Variants in LNX1 observed in about 807,000 individuals in gnomAD.
The protein encoded by LNX1 is E3 ubiquitin-protein ligase LNX.
A neutral mutation model predicts 68.4 loss-of-function variants in LNX1; 54 were observed. The observed-to-expected ratio is 0.79, with a 90% CI of 0.63 to 0.99. LNX1 has a LOEUF of 0.99. LNX1 is among the 50% of genes least tolerant of loss of function. The pLI, the probability that LNX1 is intolerant of heterozygous loss-of-function variation, is 0.00. For missense variants in LNX1, 906 were observed against 926.4 expected (o/e 0.98, Z 0.29); for synonymous variants, 336 against 350.0 (o/e 0.96, Z 0.45).
intron 1 of LNX1, among the ~76,000 whole-genome samples, chr4:53,637,540 G>A (rs1228008313): frequency 1.3e-5 from 2 of 152,076 alleles, no homozygotes; most frequent in Admixed American, 6.6e-5. Flanking sequence ...TCACAACTCT[G>A]TGAAGTTGTA....
Position 53,537,111 on chromosome 4 carries a change from G to A in LNX1, c.381-28884C>T, listed in dbSNP as rs187562673. ...TGCATTTTAGAGTGGTAGTGGGGAC[G>A]GTATGAGTACTGATTTTCCTGTCAA... On this transcript the variant is annotated intron_variant, in intron 2 of 10. Transcript: ENST00000263925. Among the ~76,000 whole-genome samples the A allele has an allele frequency of 2.7e-3, 413 of 152,240 alleles. 2 individuals carry two copies. The highest frequency in any genetic ancestry group is 9.5e-3 in the African/African-American group (394 of 41,530).
At chr4:53,631,739 A>G (rs1734281610) in intron 1 of LNX1, among the ~76,000 whole-genome samples, 1 of 152,180 alleles carries the variant, frequency 6.6e-6, no homozygotes, top group Non-Finnish European at 1.5e-5. Flanking sequence ...ATGTAGGCCC[A>G]AAGTGACTGA....
At chr4:53,504,455 T>G (rs540482371) in intron 4 of LNX1, among the ~76,000 whole-genome samples, 1 of 152,368 alleles carries the variant, frequency 6.6e-6, no homozygotes, top group African/African-American at 2.4e-5. Flanking sequence ...AAGGGAATGT[T>G]GTGGCTGTTT....
At chr4:53,601,376 T>G (rs1356156367) in intron 2 of LNX1, among the ~76,000 whole-genome samples, 4 of 152,170 alleles carry the variant, frequency 2.6e-5, no homozygotes, top group Non-Finnish European at 5.9e-5. Flanking sequence ...TCGCTGAGTC[T>G]GCCCAGGGGG....
intron 2 of LNX1, among the ~76,000 whole-genome samples, chr4:53,542,761 G>C (rs1367443018): frequency 6.6e-6 from 1 of 152,224 alleles, no homozygotes; most frequent in East Asian, 1.9e-4. Context: ...TCAAGGTGGA[G>C]AAGGCCATTG....
chr4:53,641,855 A>C (rs1734692635), intron 1 of LNX1, among the ~76,000 whole-genome samples: 3 of 152,232 alleles, frequency 2.0e-5, no homozygotes, highest in African/African-American at 7.2e-5. Context: ...AGGTATCAAC[A>C]GTTCATTCCT....
chr4:53,568,110 G>A (rs1022287139), intron 2 of LNX1, among the ~76,000 whole-genome samples: 12 of 152,114 alleles, frequency 7.9e-5, no homozygotes, highest in Admixed American at 1.3e-4. Context: ...TATTCCAATT[G>A]ATAGAAAAAG....
At chr4:53,632,895 C>T (rs1417385916) in intron 1 of LNX1, among the ~76,000 whole-genome samples, 1 of 152,124 alleles carries the variant, frequency 6.6e-6, no homozygotes, top group Non-Finnish European at 1.5e-5. Context: ...TTCTTTCTTA[C>T]TCCCCTCCTC....
rs930092690 is a variant in LNX1, at chr4:53,496,526, A to T, written c.979-132T>A. 5.3e-6 allele frequency: 6 copies of T among 1,137,960 alleles called. No homozygotes were observed. In the Admixed American group the frequency reaches 1.1e-4, roughly 22 times the overall value. 70.5% of individuals were successfully genotyped at this position (1,137,960 alleles called of 1,614,324 possible). A position where few individuals can be genotyped will look rare whatever the true frequency, so the allele number is the denominator to read the frequency against. ...GCTCTCCCACCTCATCCTGTGTCCA[A>T]TAACCGCACCTTCCAACAGCGTTTC... On this transcript the variant is annotated intron_variant, in intron 5 of 10. Coordinates refer to ENST00000263925, the MANE Select transcript of LNX1 (RefSeq NM_001126328.3).
chr4:53,516,817 G>A (rs1364410235), intron 2 of LNX1, among the ~76,000 whole-genome samples: 4 of 152,156 alleles, frequency 2.6e-5, no homozygotes, highest in Non-Finnish European at 4.4e-5. Flanking sequence ...GCCCGTGGGG[G>A]TAAGAGACAA....
chr4:53,534,492 A>T (rs1728232577), intron 2 of LNX1, among the ~76,000 whole-genome samples: 1 of 152,064 alleles, frequency 6.6e-6, no homozygotes, highest in Non-Finnish European at 1.5e-5. Context: ...AATAAGAAAA[A>T]ATTAGCCAAG....
Position 53,496,280 on chromosome 4 carries a change from TC to T in LNX1, c.1092del (p.Asn365ThrfsTer18). 6.2e-7 allele frequency: 1 copy of T among 1,614,182 alleles called. No individual in the cohort carries two copies. Among genetic ancestry groups the T allele is most frequent in the Non-Finnish European group, 8.5e-7 (1 of 1,180,038 alleles). On this transcript the variant is annotated frameshift_variant, in exon 6 of 11. Transcript: ENST00000263925. LOFTEE classifies it high-confidence loss of function. ...TVMREQKFRS[R>X]NNGQAPDAYR... ...TAGGCATCCGGGGCCTGTCCATTGT[TC>T]CTGCTGCGGAACTTCTGTTCACGCA...
At chr4:53,592,770 T>C (rs150270211), upstream of LNX1, among the ~76,000 whole-genome samples, 2,126 of 151,746 alleles carry the variant, frequency 0.014, 38 homozygotes, top group African/African-American at 0.048. Flanking sequence ...GAAGGAAAAA[T>C]GGGAGAGGGA....
intron 10 of LNX1, among the ~76,000 whole-genome samples, 174 bp downstream of exon 10, chr4:53,461,261 T>G (rs1368805715): frequency 6.6e-6 from 1 of 152,146 alleles, no homozygotes; most frequent in African/African-American, 2.4e-5. Flanking sequence ...AGTTGTAGTA[T>G]GGGACCAAGA....
chr4:53,469,707 A>G (rs1723007339), intron 9 of LNX1, among the ~76,000 whole-genome samples: 1 of 152,230 alleles, frequency 6.6e-6, no homozygotes, highest in Admixed American at 6.5e-5. Flanking sequence ...AGAATACTAT[A>G]AACACCTCTA....
At chr4:53,544,175 G>A (rs1348125485) in intron 2 of LNX1, among the ~76,000 whole-genome samples, 1 of 152,142 alleles carries the variant, frequency 6.6e-6, no homozygotes, top group Non-Finnish European at 1.5e-5. Flanking sequence ...GTAAGCACCT[G>A]AGAGGTGCTG....
At chr4:53,586,275 T>C (rs1732166468) in intron 1 of LNX1, among the ~76,000 whole-genome samples, 1 of 152,152 alleles carries the variant, frequency 6.6e-6, no homozygotes, top group Non-Finnish European at 1.5e-5. Context: ...TGCAGGAGCC[T>C]AAACATGCTG....
At chr4:53,647,073 C>T (rs1734914830) in intron 1 of LNX1, among the ~76,000 whole-genome samples, 1 of 152,212 alleles carries the variant, frequency 6.6e-6, no homozygotes, top group Non-Finnish European at 1.5e-5. Context: ...CCTGTCCCAG[C>T]ACCAGAGGTT....
intron 2 of LNX1, among the ~76,000 whole-genome samples, chr4:53,533,367 C>T (rs1214171236): frequency 2.0e-5 from 3 of 152,160 alleles, no homozygotes; most frequent in Admixed American, 6.5e-5. Context: ...TAATCAGGGG[C>T]AATTTTATCC....
Sources: gnomAD v4.1 joint callset for allele counts (sites outside exome capture counted in the v4.1 genomes callset) on GRCh38, gnomAD v4.1.1 for gene constraint, MANE v1.5 for transcripts, NCBI Gene and HGNC (gene_info 2026-07-23, HGNC 2026-07-21) for gene names.